Variants in IMMP2L observed in about 807,000 individuals in gnomAD.
IMMP2L encodes inner mitochondrial membrane peptidase subunit 2.
A neutral mutation model predicts 19.3 loss-of-function variants in IMMP2L; 18 were observed. That is an observed-to-expected ratio of 0.93 (90% CI 0.64 to 1.38). The LOEUF (loss-of-function observed/expected upper bound fraction) is 1.38, where lower values mean the gene tolerates loss of function less well. IMMP2L is among the 40% of genes most tolerant of loss of function. IMMP2L has a pLI of 0.00. For missense variants in IMMP2L, 233 were observed against 218.2 expected, an observed-to-expected ratio of 1.07 and a Z score of -0.43; for synonymous variants, 76 against 73.0, an observed-to-expected ratio of 1.04 and a Z score of -0.21.
At chr7:111,477,918 T>C (rs1841854265) in intron 3 of IMMP2L, among the ~76,000 whole-genome samples, 2 of 152,052 alleles carry the variant, frequency 1.3e-5, no homozygotes, top group African/African-American at 4.8e-5. Context: ...AATAGACTTT[T>C]ATCTTCTTTG....
intron 3 of IMMP2L, among the ~76,000 whole-genome samples, chr7:111,240,469 C>T (rs1814874205): frequency 6.6e-6 from 1 of 151,922 alleles, no homozygotes; most frequent in African/African-American, 2.4e-5. Context: ...TTATTAGATA[C>T]ATATTCACAC....
intron 3 of IMMP2L, among the ~76,000 whole-genome samples, chr7:111,243,556 T>G (rs1477624563): frequency 6.9e-6 from 1 of 145,870 alleles, no homozygotes; most frequent in African/African-American, 2.5e-5. Flanking sequence ...AGGGTACATG[T>G]GCACATTGTG....
chr7:111,269,551 A>C (rs1421546079), intron 3 of IMMP2L, among the ~76,000 whole-genome samples: 1 of 152,170 alleles, frequency 6.6e-6, no homozygotes, highest in Non-Finnish European at 1.5e-5. Context: ...TTCACTGACA[A>C]GTATTATTAA....
intron 3 of IMMP2L, among the ~76,000 whole-genome samples, chr7:111,350,174 G>A (rs1184429127): frequency 6.6e-6 from 1 of 151,714 alleles, no homozygotes; most frequent in Non-Finnish European, 1.5e-5. Flanking sequence ...CACCATGTTG[G>A]CCAGGCTGGT....
chr7:111,238,427 G>T (rs903254307), intron 3 of IMMP2L, among the ~76,000 whole-genome samples: 1 of 151,946 alleles, frequency 6.6e-6, no homozygotes, highest in African/African-American at 2.4e-5. Flanking sequence ...AAGTTTCACT[G>T]ACAATACGAT....
chr7:111,445,560 A>C (rs1838265730), intron 3 of IMMP2L, among the ~76,000 whole-genome samples: 1 of 152,214 alleles, frequency 6.6e-6, no homozygotes, highest in South Asian at 2.1e-4. Flanking sequence ...GGAGAATTAG[A>C]ATTCAAGCAC....
At chr7:111,268,082 A>G (rs1057295051) in intron 3 of IMMP2L, among the ~76,000 whole-genome samples, 12 of 152,204 alleles carry the variant, frequency 7.9e-5, no homozygotes, top group African/African-American at 2.4e-5. Context: ...CTTTAGAATT[A>G]GACAAAAGTC....
intron 3 of IMMP2L, among the ~76,000 whole-genome samples, chr7:111,121,496 C>A (rs933952931): frequency 5.9e-5 from 9 of 152,124 alleles, no homozygotes; most frequent in Non-Finnish European, 1.5e-5. Flanking sequence ...TCATCACTGG[C>A]CATCAGAGAA....
chr7:110,906,092 C>T (rs911462629), intron 4 of IMMP2L, among the ~76,000 whole-genome samples: 2 of 152,196 alleles, frequency 1.3e-5, no homozygotes, highest in African/African-American at 4.8e-5. Context: ...CCCAGCCTTT[C>T]ACAGTTATCT....
intron 3 of IMMP2L, among the ~76,000 whole-genome samples, chr7:111,374,607 A>G (rs1455132721): frequency 2.6e-5 from 4 of 152,122 alleles, no homozygotes; most frequent in Non-Finnish European, 4.4e-5. Flanking sequence ...TATAAAGGGG[A>G]AAAAGCCATA....
intron 5 of IMMP2L, among the ~76,000 whole-genome samples, chr7:110,706,707 G>C (rs975272780): frequency 6.6e-6 from 1 of 152,056 alleles, no homozygotes; most frequent in African/African-American, 2.4e-5. Flanking sequence ...GTTTTTGCTT[G>C]TTGATTTCCT....
At chr7:111,143,406 A>G (rs1255599396) in intron 3 of IMMP2L, among the ~76,000 whole-genome samples, 1 of 152,134 alleles carries the variant, frequency 6.6e-6, no homozygotes, top group Non-Finnish European at 1.5e-5. Context: ...AAAAATTCCA[A>G]AAATAAATCC....
intron 3 of IMMP2L, among the ~76,000 whole-genome samples, chr7:111,010,392 A>G (rs1824813753): frequency 6.6e-6 from 1 of 152,126 alleles, no homozygotes; most frequent in African/African-American, 2.4e-5. Flanking sequence ...ATGTTTAATC[A>G]TTTTAATGGT....
intron 3 of IMMP2L, among the ~76,000 whole-genome samples, chr7:111,065,829 C>A (rs935657017): frequency 3.9e-5 from 6 of 151,942 alleles, no homozygotes; most frequent in African/African-American, 1.5e-4. Context: ...TAAGATAATA[C>A]TACTTAATAA....
At chr7:111,544,017 C>T (rs980927136) in intron 1 of IMMP2L, among the ~76,000 whole-genome samples, 3 of 152,088 alleles carry the variant, frequency 2.0e-5, no homozygotes, top group African/African-American at 7.2e-5. Context: ...AAGCGACCAA[C>T]ATAATACCTG....
intron 3 of IMMP2L, among the ~76,000 whole-genome samples, chr7:111,211,172 G>T (rs1811269438): frequency 6.6e-6 from 1 of 152,138 alleles, no homozygotes; most frequent in Non-Finnish European, 1.5e-5. Flanking sequence ...GAGTTCAGAA[G>T]AAGGAAACCA....
chr7:110,816,477 T>G (rs1409705045), intron 5 of IMMP2L, among the ~76,000 whole-genome samples: 3 of 151,880 alleles, frequency 2.0e-5, no homozygotes, highest in Non-Finnish European at 4.4e-5. Flanking sequence ...AGATGTCTAT[T>G]AGGTCTGCTT....
intron 3 of IMMP2L, among the ~76,000 whole-genome samples, chr7:111,083,363 A>C (rs1487002249): frequency 6.6e-6 from 1 of 152,222 alleles, no homozygotes; most frequent in African/African-American, 2.4e-5. Context: ...TTAATCATCC[A>C]ATTAGGAGAA....
chr7:111,018,396 A>G (rs1046253379), intron 3 of IMMP2L, among the ~76,000 whole-genome samples: 6 of 152,202 alleles, frequency 3.9e-5, no homozygotes, highest in African/African-American at 7.2e-5. Flanking sequence ...TACAAATAGC[A>G]TGAAATGGTG....
Sources: gnomAD v4.1 joint callset for allele counts (sites outside exome capture counted in the v4.1 genomes callset) on GRCh38, gnomAD v4.1.1 for gene constraint, MANE v1.5 for transcripts, NCBI Gene and HGNC (gene_info 2026-07-23, HGNC 2026-07-21) for gene names.